The following DIP2A variants were observed in gnomAD, a reference collection of about 807,000 sequenced individuals.
DIP2A encodes the protein DIP2 acetate--CoA ligase A.
A neutral mutation model predicts 177.4 loss-of-function variants in DIP2A; 85 were observed. The ratio of observed to expected loss-of-function variants is 0.48; its 90% CI spans 0.40 to 0.57. The LOEUF (loss-of-function observed/expected upper bound fraction) is 0.57, where lower values mean the gene tolerates loss of function less well. Ranked by LOEUF, DIP2A falls within the 20% of genes least tolerant of loss-of-function variation. DIP2A has a pLI of 0.00. For synonymous variants in DIP2A, 886 were observed against 881.8 expected, an observed-to-expected ratio of 1.00 and a Z score of -0.08; for missense variants, 1,791 against 2,100.2, an observed-to-expected ratio of 0.85 and a Z score of 2.88.
rs966451159 is a variant in DIP2A at position 46,509,351 on chromosome 21, G to C, written c.879G>C (p.Val293=). 4 of 1,612,048 alleles carry C rather than the reference G, an allele frequency of 2.5e-6. No homozygotes were observed. The highest frequency in any genetic ancestry group is 3.4e-6 in the Non-Finnish European group (4 of 1,179,266). ...GCCCTCCACTGAAGGAGTTCTTTGT[G>C]GATGATTTTGAGGAATTGTTGGAAG... is the stretch of plus-strand genomic sequence containing the variant. ...PKRPPLKEFF[V]DDFEELLEVQ... is the part of the protein sequence containing the mutation. The change falls in exon 7 of 38, where the codon GTG becomes GTC. Residue 293 remains valine (V), a synonymous_variant. Transcript: ENST00000417564.
At chr21:46,527,610 G>A (rs1267637807) in intron 8 of DIP2A, among the ~76,000 whole-genome samples, 7 of 151,862 alleles carry the variant, frequency 4.6e-5, no homozygotes, top group Non-Finnish European at 7.4e-5. Context: ...ACAGGCATGA[G>A]TCACCGTGCC....
intron 11 of DIP2A, 71 bp from the exon 12 acceptor site, chr21:46,533,933 C>A: frequency 7.7e-7 from 1 of 1,304,952 alleles, no homozygotes; most frequent in Non-Finnish European, 1.1e-6. Flanking sequence ...ATGTTGGAGG[C>A]GCAGGCTTCG....
chr21:46,544,653 T>G (rs2059955032), intron 18 of DIP2A, among the ~76,000 whole-genome samples: 3 of 152,140 alleles, frequency 2.0e-5, no homozygotes, highest in African/African-American at 7.2e-5. Context: ...GACTTAAGAT[T>G]AGTCTGGAGT....
chr21:46,497,154 A>AATG, intron 4 of DIP2A, 47 bp downstream of exon 4: 1 of 1,588,822 alleles, frequency 6.3e-7, no homozygotes, highest in Non-Finnish European at 8.6e-7. Flanking sequence ...AGTGTTTCAC[A>AATG]GGCCTGATGT....
Position 46,464,844 on chromosome 21 carries a change from T to TTTC in DIP2A, c.91+5622_91+5623insTTC, listed in dbSNP as rs58546395. Among the ~76,000 whole-genome samples the TTTC allele has an allele frequency of 9.9e-5, 11 of 111,232 alleles. 2 individuals are homozygous for TTTC. Among genetic ancestry groups the TTTC allele is most frequent in the African/African-American group, 4.6e-4 (11 of 23,996 alleles). 73.0% of individuals were successfully genotyped at this position (111,232 alleles called of 152,430 possible). Reference sequence around the variant, plus strand: ...TTTTTTTTTTTTTTTTTTTTTTTTTTCAAGAAAACACACAACAAATGTCAG... The same window carrying TTTC: ...TTTTTTTTTTTTTTTTTTTTTTTTTTTTCCAAGAAAACACACAACAAATGTCAG... On this transcript the variant is annotated intron_variant, in intron 1 of 37. Transcript: ENST00000417564.
chr21:46,550,754 A>AC lies in DIP2A; in HGVS notation c.2839+12dup. 2 of 1,613,508 alleles carry AC rather than the reference A, an allele frequency of 1.2e-6. No individual in the cohort carries two copies. Among genetic ancestry groups the AC allele is most frequent in the Non-Finnish European group, 1.7e-6 (2 of 1,179,672 alleles). On this transcript the variant is annotated intron_variant, in intron 23 of 37. Transcript: ENST00000417564. The stretch of plus-strand genomic sequence containing the variant: ...CGTCAGAAACAACCAGGTTAGTTGA[A>AC]CCTAACAACAGGATGCTCTCTAGTC...
intron 8 of DIP2A, among the ~76,000 whole-genome samples, chr21:46,523,393 A>ATTTTTTTT (rs61370008): frequency 3.2e-3 from 286 of 89,872 alleles, no homozygotes; most frequent in Non-Finnish European, 4.0e-3. Flanking sequence ...CGCCTGGCTA[A>ATTTTTTTT]TTTTTTTTTT....
In DIP2A at chr21:46,558,347, T is replaced by C; in HGVS notation, c.3923T>C (p.Val1308Ala). The change falls in exon 32 of 38, where the codon GTA becomes GCA. Residue 1308 changes from valine (V) to alanine (A), a missense_variant. Coordinates refer to ENST00000417564, the MANE Select transcript of DIP2A (RefSeq NM_015151.4). ...FKDLGLPARA[V>A]STTFGCRVNV... is the part of the protein sequence containing the mutation. ...GACCTGGGCCTGCCGGCCCGCGCCG[T>C]AAGCACCACGTTCGGGTGCAGGGTC... is the stretch of plus-strand genomic sequence containing the variant. The C allele has an allele frequency of 6.2e-7, 1 of 1,607,098 alleles. No individual in the cohort carries two copies. Among genetic ancestry groups the C allele is most frequent in the Non-Finnish European group, 8.5e-7 (1 of 1,177,604 alleles).
chr21:46,471,188 C>A (rs894058121), intron 1 of DIP2A, among the ~76,000 whole-genome samples: 1 of 152,052 alleles, frequency 6.6e-6, no homozygotes, highest in African/African-American at 2.4e-5. Flanking sequence ...TGCACTCTAC[C>A]GTGCCTACTT....
At chr21:46,499,635 G>C (rs2057543792) in intron 5 of DIP2A, among the ~76,000 whole-genome samples, 1 of 152,072 alleles carries the variant, frequency 6.6e-6, no homozygotes, top group Non-Finnish European at 1.5e-5. Context: ...ATTCATCTTA[G>C]AGATGAAAAA....
chr21:46,477,642 C>T (rs967540254), intron 1 of DIP2A, among the ~76,000 whole-genome samples: 2 of 146,478 alleles, frequency 1.4e-5, no homozygotes, highest in African/African-American at 2.5e-5. Flanking sequence ...GCCACTATCT[C>T]GGCTCACTGC....
chr21:46,499,266 C>G (rs1343083598), intron 5 of DIP2A, among the ~76,000 whole-genome samples: 1 of 152,132 alleles, frequency 6.6e-6, no homozygotes, highest in East Asian at 1.9e-4. Context: ...TTCTCATAGT[C>G]CCCCAGAAGG....
rs1197925328 is a variant in DIP2A at position 46,510,118 on chromosome 21, C to T, written c.904+742C>T. Among the ~76,000 whole-genome samples, 5 of 152,186 alleles carry T rather than the reference C, an allele frequency of 3.3e-5. No homozygotes were observed. The South Asian group carries it at 6.2e-4, about 19-fold the overall frequency. The stretch of plus-strand genomic sequence containing the variant: ...CACACGATCACAAGGTGAGGTCCCA[C>T]AGTAAGCCATCTGCAAGCTGAGAGC... On this transcript the variant is annotated intron_variant, in intron 7 of 37. Transcript: ENST00000417564.
chr21:46,564,944 A>G (rs2060787318), intron 35 of DIP2A, among the ~76,000 whole-genome samples: 1 of 152,226 alleles, frequency 6.6e-6, no homozygotes, highest in Admixed American at 6.5e-5. Context: ...AGTCTGAGCC[A>G]GGCATGGTGA....
intron 19 of DIP2A, among the ~76,000 whole-genome samples, chr21:46,545,651 C>G (rs549835646): frequency 1.3e-5 from 2 of 152,324 alleles, no homozygotes; most frequent in African/African-American, 4.8e-5. Flanking sequence ...CTAGGGAGGC[C>G]AGGCACCCAG....
intron 8 of DIP2A, among the ~76,000 whole-genome samples, chr21:46,528,527 CTTTTTTTTTTTTTTT>C (rs1162872343): frequency 1.2e-3 from 36 of 29,402 alleles, no homozygotes; most frequent in South Asian, 7.7e-3. Flanking sequence ...TTTCTGCTTG[CTTTTTTTTTTTTTTT>C]TTTTTTTTTT....
At chr21:46,460,286 A>T (rs185542029) in intron 1 of DIP2A, among the ~76,000 whole-genome samples, 32 of 151,944 alleles carry the variant, frequency 2.1e-4, no homozygotes, top group South Asian at 4.2e-4. Context: ...TCCCATTTGG[A>T]TGTTATCCCT....
rs927884645 is a variant in DIP2A at position 46,565,819 on chromosome 21, A to G, written c.4271A>G (p.Gln1424Arg). 6.2e-7 allele frequency: 1 copy of G among 1,613,986 alleles called. No individual in the cohort carries two copies. The highest frequency in any genetic ancestry group is 8.5e-7 in the Non-Finnish European group (1 of 1,179,896). ...GCCCGGCTGAGTTTTGGAGACACACAGACCATCTGGGCAAGGACCGGCTAC... is the reference window on the plus strand; with the variant it reads ...GCCCGGCTGAGTTTTGGAGACACACGGACCATCTGGGCAAGGACCGGCTAC... ...FSARLSFGDT[Q>R]TIWARTGYLG... The change falls in exon 36 of 38, where the codon CAG becomes CGG. Residue 1424 changes from glutamine (Q) to arginine (R), a missense_variant. By Grantham distance (43) the Gln-to-Arg change is conservative. Transcript: ENST00000417564.
chr21:46,463,915 G>C (rs1300696458), intron 1 of DIP2A, among the ~76,000 whole-genome samples: 4 of 151,266 alleles, frequency 2.6e-5, no homozygotes, highest in African/African-American at 9.7e-5. Context: ...TCACCATATT[G>C]GCCAGGCTGG....
Sources: gnomAD v4.1 joint callset for allele counts (sites outside exome capture counted in the v4.1 genomes callset) on GRCh38, gnomAD v4.1.1 for gene constraint, MANE v1.5 for transcripts, NCBI Gene and HGNC (gene_info 2026-07-23, HGNC 2026-07-21) for gene names.